Variants in CEP89 observed in about 807,000 individuals in gnomAD.
The protein encoded by CEP89 is centrosomal protein of 89 kDa.
CEP89 carries 95 observed loss-of-function variants against 97.6 expected under a neutral mutation model. The observed-to-expected ratio is 0.97, with a 90% CI of 0.82 to 1.15. The LOEUF (loss-of-function observed/expected upper bound fraction) is 1.15, where lower values mean the gene tolerates loss of function less well. CEP89 is among the 50% of genes most tolerant of loss of function. The pLI, the probability that CEP89 is intolerant of heterozygous loss-of-function variation, is 0.00. For missense variants in CEP89, 869 were observed against 947.7 expected (o/e 0.92, Z 1.09); for synonymous variants, 354 against 349.1 (o/e 1.01, Z -0.16).
chr19:32,949,528 C>T (rs974990210), intron 4 of CEP89, among the ~76,000 whole-genome samples: 4 of 152,200 alleles, frequency 2.6e-5, no homozygotes, highest in African/African-American at 4.8e-5. Context: ...GGACTACAAG[C>T]GTATGACACC....
intron 17 of CEP89, among the ~76,000 whole-genome samples, chr19:32,886,626 G>A (rs914438806): frequency 6.6e-6 from 1 of 152,150 alleles, no homozygotes; most frequent in African/African-American, 2.4e-5. Context: ...TCCTCCGGGT[G>A]AGCCGGTTTT....
intron 14 of CEP89, among the ~76,000 whole-genome samples, chr19:32,912,540 T>C (rs558477171): frequency 2.0e-5 from 3 of 152,274 alleles, no homozygotes; most frequent in Non-Finnish European, 4.4e-5. Flanking sequence ...GCCCCCACAA[T>C]TGTGTGAGCC....
chr19:32,910,787 C>T (rs1437182943), intron 14 of CEP89, among the ~76,000 whole-genome samples: 2 of 152,136 alleles, frequency 1.3e-5, no homozygotes, highest in Non-Finnish European at 2.9e-5. Flanking sequence ...CATGTCTCAT[C>T]CCACTGGAAA....
At chr19:32,951,241 G>A (rs915378956) in intron 4 of CEP89, among the ~76,000 whole-genome samples, 2 of 152,142 alleles carry the variant, frequency 1.3e-5, no homozygotes, top group African/African-American at 4.8e-5. Flanking sequence ...GCTCACGCCA[G>A]TAATCCCAAC....
chr19:32,903,465 T>C (rs1233592875), intron 14 of CEP89, among the ~76,000 whole-genome samples: 1 of 152,130 alleles, frequency 6.6e-6, no homozygotes, highest in Non-Finnish European at 1.5e-5. Context: ...TAGAAAAACA[T>C]GCTCCTACAT....
At chr19:32,908,773 C>A in intron 14 of CEP89, among the ~76,000 whole-genome samples, 1 of 152,150 alleles carries the variant, frequency 6.6e-6, no homozygotes, top group East Asian at 1.9e-4. Flanking sequence ...AAAGCAGCTG[C>A]TGAACCAGCG....
At chr19:32,883,698 T>C (rs11668529) in intron 17 of CEP89, among the ~76,000 whole-genome samples, 22,770 of 152,134 alleles carry the variant, frequency 0.15, 2,040 homozygotes, top group Non-Finnish European at 0.21. Flanking sequence ...AAAAAACAAA[T>C]GCCTACATTA....
chr19:32,883,154 G>A (rs759821540), intron 17 of CEP89, among the ~76,000 whole-genome samples: 7 of 151,584 alleles, frequency 4.6e-5, no homozygotes, highest in East Asian at 2.0e-4. Flanking sequence ...GAGACACCGC[G>A]CCCGGCCGAG....
chr19:32,961,495 C>T (rs1045637476), intron 2 of CEP89, among the ~76,000 whole-genome samples: 1 of 144,368 alleles, frequency 6.9e-6, no homozygotes, highest in African/African-American at 2.6e-5. Context: ...AGGAGAATGG[C>T]GTGAACCTGG....
intron 3 of CEP89, among the ~76,000 whole-genome samples, chr19:32,956,049 CTTTTTTT>C (rs202179963): frequency 1.9e-5 from 2 of 105,746 alleles, no homozygotes; most frequent in Non-Finnish European, 3.8e-5. Context: ...CAATTTGGTT[CTTTTTTT>C]TTTTTTTTTT....
intron 2 of CEP89, among the ~76,000 whole-genome samples, chr19:32,962,468 C>A (rs1220314729): frequency 2.0e-5 from 3 of 152,170 alleles, no homozygotes; most frequent in Non-Finnish European, 4.4e-5. Context: ...AACACTAACT[C>A]TAAATGGATT....
rs1226213083 is a variant in CEP89, at chr19:32,922,136, C to G, written c.1268+1303G>C. 2.0e-5 allele frequency among the ~76,000 whole-genome samples: 3 copies of G among 152,114 alleles called. No homozygotes were observed. In the East Asian group the frequency reaches 5.8e-4, roughly 29 times the overall value. ...AATGAGCAGGACATTGGTTCCTGCCCCTGAGGAGTTCACAAAGGAGAAGAT... is the reference window on the plus strand; with the variant it reads ...AATGAGCAGGACATTGGTTCCTGCCGCTGAGGAGTTCACAAAGGAGAAGAT... On this transcript the variant is annotated intron_variant, in intron 12 of 18. Transcript: ENST00000305768.
rs776078608 is a variant in CEP89, at chr19:32,901,320, A to G, written c.1658T>C (p.Leu553Pro). 2 of 1,614,202 alleles carry G rather than the reference A, an allele frequency of 1.2e-6. No individual in the cohort carries two copies. The highest frequency in any genetic ancestry group is 4.5e-5 in the East Asian group (2 of 44,892). ...TVLQAQKKSL[L>P]LEKNSLTEQN... is the part of the protein sequence containing the mutation. ...CTCTGTCAAACTGTTCTTCTCTAAC[A>G]GCAGGCTCTTCTTCTGCGCTTGCAG... is the stretch of plus-strand genomic sequence containing the variant. Residue 553 changes from leucine (L) to proline (P), a missense_variant, in exon 15 of 19, where the codon CTG (leucine) becomes CCG (proline). Coordinates refer to ENST00000305768, the MANE Select transcript of CEP89 (RefSeq NM_032816.5).
intron 14 of CEP89, 133 bp from the exon 15 acceptor site, chr19:32,901,545 G>C: frequency 1.2e-6 from 1 of 838,184 alleles, no homozygotes; most frequent in Non-Finnish European, 1.9e-6. Flanking sequence ...ATGCCTCTGT[G>C]GAAACATCTC....
chr19:32,905,450 T>A (rs1969868009), intron 14 of CEP89, among the ~76,000 whole-genome samples: 2 of 151,976 alleles, frequency 1.3e-5, no homozygotes, highest in South Asian at 4.1e-4. Context: ...TTTGTAGAGC[T>A]CTCTAGTGAA....
At chr19:32,958,912 G>A (rs1267532237) in intron 3 of CEP89, among the ~76,000 whole-genome samples, 1 of 151,966 alleles carries the variant, frequency 6.6e-6, no homozygotes, top group African/African-American at 2.4e-5. Flanking sequence ...AGCTACTCAG[G>A]AGGCTGAGGC....
At chr19:32,909,791 T>G (rs1969960778) in intron 14 of CEP89, among the ~76,000 whole-genome samples, 1 of 152,104 alleles carries the variant, frequency 6.6e-6, no homozygotes, top group South Asian at 2.1e-4. Context: ...CAGCCTTAGG[T>G]CATCAGGAAC....
At chr19:32,892,630 C>T (rs1969554012) in intron 16 of CEP89, among the ~76,000 whole-genome samples, 1 of 148,874 alleles carries the variant, frequency 6.7e-6, no homozygotes, top group South Asian at 2.1e-4. Context: ...CAGAAGAAAC[C>T]TTACAGGCCA....
At chr19:32,971,716 A>T in intron 1 of CEP89, 120 bp downstream of exon 1, 2 of 1,004,314 alleles carry the variant, frequency 2.0e-6, no homozygotes, top group Non-Finnish European at 3.0e-6. Flanking sequence ...ACTGAAAACC[A>T]CTTTCTCTTG....
Sources: gnomAD v4.1 joint callset for allele counts (sites outside exome capture counted in the v4.1 genomes callset) on GRCh38, gnomAD v4.1.1 for gene constraint, MANE v1.5 for transcripts, NCBI Gene and HGNC (gene_info 2026-07-23, HGNC 2026-07-21) for gene names.